RBM46: variants seen among roughly 807,000 people sequenced by gnomAD.
RBM46 encodes probable RNA-binding protein 46.
RBM46 carries 12 observed loss-of-function variants against 43.3 expected under a neutral mutation model. The observed-to-expected ratio is 0.28, with a 90% CI of 0.18 to 0.45. The LOEUF is 0.45. RBM46 is among the 20% of genes least tolerant of loss of function. RBM46 has a pLI of 1.00. For synonymous variants in RBM46, 205 were observed against 207.6 expected (o/e 0.99, Z 0.11); for missense variants, 412 against 639.1 (o/e 0.64, Z 3.83).
intron 4 of RBM46, chr4:154,827,665 G>A: frequency 7.2e-7 from 1 of 1,381,354 alleles, no homozygotes. Flanking sequence ...CGTGAGTAAA[G>A]GAAAGGTAAT....
intron 4 of RBM46, among the ~76,000 whole-genome samples, chr4:154,821,224 C>T (rs1437802969): frequency 6.6e-6 from 1 of 151,736 alleles, no homozygotes. Flanking sequence ...TTAATCTTAG[C>T]ATAAAAATTC....
chr4:154,797,053 T>A, intron 2 of RBM46, 150 bp downstream of exon 2: 1 of 573,814 alleles, frequency 1.7e-6, no homozygotes, highest in African/African-American at 1.9e-5. Flanking sequence ...AGTTAAATTA[T>A]AAATGTTATT....
intron 4 of RBM46, among the ~76,000 whole-genome samples, chr4:154,810,723 A>G (rs751781818): frequency 6.6e-6 from 1 of 152,182 alleles, no homozygotes; most frequent in Non-Finnish European, 1.5e-5. Context: ...ATATGGGGGA[A>G]GGAAAGAGTC....
At position 154,798,333 on chromosome 4, in the gene RBM46, A is replaced by G. The variant is rs906282480; in HGVS notation, c.619+55A>G. Reference sequence around the variant, plus strand: ...ACATTATTACAAATATGGAGAGATGATAGTACATCAGGGATCAATATTATC... The same window carrying G: ...ACATTATTACAAATATGGAGAGATGGTAGTACATCAGGGATCAATATTATC... On this transcript the variant is annotated intron_variant, in intron 3 of 4. Coordinates refer to ENST00000281722, the MANE Select transcript of RBM46 (RefSeq NM_144979.5). The G allele has an allele frequency of 3.1e-5, 35 of 1,113,008 alleles. No homozygotes were observed. In the African/African-American group the frequency reaches 5.2e-4, roughly 17 times the overall value. 68.9% of individuals were successfully genotyped at this position (1,113,008 alleles called of 1,614,324 possible).
Position 154,787,683 on chromosome 4 carries a change from C to A in RBM46, c.-12+6247C>A, listed in dbSNP as rs1023898004. 1.1e-3 allele frequency among the ~76,000 whole-genome samples: 173 copies of A among 152,198 alleles called. 1 individual carries two copies. Among genetic ancestry groups the A allele is most frequent in the African/African-American group, 4.0e-3 (167 of 41,534 alleles). ...CTTTATAGCAGCATGATTTATAATC[C>A]TTTGGGTATAGACCCAGTAATGGGA... On this transcript the variant is annotated intron_variant, in intron 1 of 4. Coordinates refer to ENST00000281722, the MANE Select transcript of RBM46 (RefSeq NM_144979.5).
chr4:154,789,904 A>C (rs1336034050), intron 1 of RBM46, among the ~76,000 whole-genome samples: 1 of 152,058 alleles, frequency 6.6e-6, no homozygotes, highest in East Asian at 1.9e-4. Context: ...TAGTCTTGGG[A>C]GGGTGTATGT....
intron 1 of RBM46, among the ~76,000 whole-genome samples, chr4:154,788,681 C>T (rs1733915514): frequency 6.6e-6 from 1 of 152,062 alleles, no homozygotes. Flanking sequence ...TTGTTTGGTT[C>T]CATATGAACT....
chr4:154,802,931 C>T (rs1288484357), intron 4 of RBM46, among the ~76,000 whole-genome samples: 2 of 151,986 alleles, frequency 1.3e-5, no homozygotes, highest in Non-Finnish European at 2.9e-5. Context: ...TTTTAGATCT[C>T]TTTAAGAGTG....
At chr4:154,822,039 G>T (rs547983606) in intron 4 of RBM46, among the ~76,000 whole-genome samples, 1 of 151,828 alleles carries the variant, frequency 6.6e-6, no homozygotes, top group East Asian at 1.9e-4. Flanking sequence ...AAATACTGAA[G>T]CTAACCCAAA....
At chr4:154,801,035 C>T (rs1734610996) in intron 4 of RBM46, among the ~76,000 whole-genome samples, 1 of 149,316 alleles carries the variant, frequency 6.7e-6, no homozygotes, top group Non-Finnish European at 1.5e-5. Flanking sequence ...GACTTGAGTG[C>T]AGTAGCATGA....
intron 4 of RBM46, chr4:154,827,044 T>C (rs1289542824): frequency 8.3e-7 from 1 of 1,204,778 alleles, no homozygotes; most frequent in African/African-American, 1.6e-5. Context: ...TAGTTGAGTT[T>C]TTGGAAGGTA....
In RBM46 at chr4:154,811,423, T is replaced by C. The variant is rs192748610; in HGVS notation, c.1402+11859T>C. Among the ~76,000 whole-genome samples, 3 of 152,228 alleles carry C rather than the reference T, an allele frequency of 2.0e-5. No individual in the cohort carries two copies. The East Asian group carries it at 5.8e-4, about 29-fold the overall frequency. The stretch of plus-strand genomic sequence containing the variant: ...GTATCTCATAGGGTAATTACATGTA[T>C]TAAATGAGTTAAAATTATAAAGGGC... On this transcript the variant is annotated intron_variant, in intron 4 of 4. Coordinates refer to ENST00000281722, the MANE Select transcript of RBM46 (RefSeq NM_144979.5).
intron 4 of RBM46, among the ~76,000 whole-genome samples, chr4:154,808,607 A>G (rs1735028278): frequency 6.6e-6 from 1 of 151,884 alleles, no homozygotes; most frequent in African/African-American, 2.4e-5. Context: ...TTTTTGGTCC[A>G]AGGGTGACCA....
intron 1 of RBM46, among the ~76,000 whole-genome samples, chr4:154,790,733 T>C (rs192189141): frequency 6.6e-6 from 1 of 152,342 alleles, no homozygotes; most frequent in Admixed American, 6.5e-5. Context: ...AGATAGCTCT[T>C]AAGTTTGCTA....
intron 4 of RBM46, among the ~76,000 whole-genome samples, chr4:154,824,706 C>T (rs373008222): frequency 2.6e-5 from 4 of 151,838 alleles, no homozygotes; most frequent in Non-Finnish European, 2.9e-5. Context: ...GTATAGAGGC[C>T]GCCTCTTTTT....
chr4:154,803,566 G>A (rs551652708), intron 4 of RBM46, among the ~76,000 whole-genome samples: 4 of 151,810 alleles, frequency 2.6e-5, no homozygotes, highest in Non-Finnish European at 5.9e-5. Flanking sequence ...AGCCGGGCGT[G>A]GTGGCAGGCG....
intron 4 of RBM46, among the ~76,000 whole-genome samples, chr4:154,813,163 G>A (rs1318012535): frequency 6.6e-6 from 1 of 151,984 alleles, no homozygotes; most frequent in African/African-American, 2.4e-5. Flanking sequence ...GATACATTTC[G>A]GCTGTGCTTT....
intron 4 of RBM46, among the ~76,000 whole-genome samples, chr4:154,799,881 T>G (rs1441955883): frequency 1.3e-5 from 2 of 150,546 alleles, no homozygotes; most frequent in African/African-American, 4.9e-5. Context: ...TGCCTCAGCC[T>G]CCCGCGTAGC....
chr4:154,783,977 T>G (rs1416984202), intron 1 of RBM46, among the ~76,000 whole-genome samples: 1 of 152,160 alleles, frequency 6.6e-6, no homozygotes, highest in Admixed American at 6.5e-5. Flanking sequence ...AATGAATTGC[T>G]GCTTAAAAAC....
Sources: allele counts gnomAD v4.1 joint callset (sites outside exome capture counted in the v4.1 genomes callset), GRCh38; gene constraint gnomAD v4.1.1; transcripts MANE v1.5; gene names NCBI Gene and HGNC (gene_info 2026-07-23, HGNC 2026-07-21).